DPY19L2: variants seen among roughly 807,000 people sequenced by gnomAD.
DPY19L2 encodes the protein probable C-mannosyltransferase DPY19L2.
DPY19L2 carries 34 observed loss-of-function variants against 97.9 expected under a neutral mutation model. That is an observed-to-expected ratio of 0.35 (90% CI 0.26 to 0.46). DPY19L2 has a LOEUF of 0.46. Ranked by LOEUF, DPY19L2 falls within the 20% of genes least tolerant of loss-of-function variation. The pLI, the probability that DPY19L2 is intolerant of heterozygous loss-of-function variation, is 1.00. For missense variants in DPY19L2, 623 were observed against 911.4 expected, an observed-to-expected ratio of 0.68 and a Z score of 4.07; for synonymous variants, 230 against 307.9, an observed-to-expected ratio of 0.75 and a Z score of 2.65.
intron 20 of DPY19L2, 39 bp downstream of exon 20, chr12:63,570,719 G>A (rs761582624): frequency 6.3e-7 from 1 of 1,582,056 alleles, no homozygotes; most frequent in South Asian, 1.1e-5. Flanking sequence ...ATTGGGAGTT[G>A]CCAAGTGAGT....
chr12:63,590,241 C>A (rs1882665436), intron 16 of DPY19L2, among the ~76,000 whole-genome samples: 1 of 152,078 alleles, frequency 6.6e-6, no homozygotes, highest in Non-Finnish European at 1.5e-5. Flanking sequence ...AGAATTGATA[C>A]AATAAAATGA....
At chr12:63,564,627 A>C (rs1877282515) in intron 21 of DPY19L2, among the ~76,000 whole-genome samples, 1 of 152,124 alleles carries the variant, frequency 6.6e-6, no homozygotes, top group Non-Finnish European at 1.5e-5. Context: ...TAAATGTGTC[A>C]ATACTTGCTT....
chr12:63,589,357 C>CAAAAAAAAAAAAAAAAAAAAAAA lies in DPY19L2; in HGVS notation c.1580+4707_1580+4729dup, dbSNP rs71086687. Among the ~76,000 whole-genome samples the CAAAAAAAAAAAAAAAAAAAAAAA allele has an allele frequency of 1.6e-4, 3 of 18,986 alleles. 1 individual carries two copies. Among genetic ancestry groups the CAAAAAAAAAAAAAAAAAAAAAAA allele is most frequent in the Non-Finnish European group, 3.1e-4 (3 of 9,526 alleles). The allele number at this position is 18,986 out of a possible 152,430, so 12.5% of individuals were successfully genotyped here. A position where few individuals can be genotyped will look rare whatever the true frequency, so the allele number is the denominator to read the frequency against. ...AATGTGGCTAGATAAAAATGTGTTG[C>CAAAAAAAAAAAAAAAAAAAAAAA]AAAAAAAAAAAAAAAAAAAAAAAAA... On this transcript the variant is annotated intron_variant, in intron 16 of 21. Transcript: ENST00000324472.
chr12:63,565,004 A>G (rs1877374746), intron 21 of DPY19L2, among the ~76,000 whole-genome samples: 1 of 152,108 alleles, frequency 6.6e-6, no homozygotes, highest in African/African-American at 2.4e-5. Flanking sequence ...TATTCTTAGC[A>G]TTCAAATATA....
At chr12:63,588,970 G>A (rs1284275517) in intron 16 of DPY19L2, among the ~76,000 whole-genome samples, 3 of 151,710 alleles carry the variant, frequency 2.0e-5, no homozygotes, top group African/African-American at 4.8e-5. Context: ...AGCCAGGATG[G>A]CCTCAATCTC....
At chr12:63,570,156 A>G (rs1322466781) in intron 20 of DPY19L2, among the ~76,000 whole-genome samples, 1 of 152,198 alleles carries the variant, frequency 6.6e-6, no homozygotes, top group Non-Finnish European at 1.5e-5. Context: ...CCTGACAACT[A>G]CTAGAATAAC....
chr12:63,608,483 A>T, intron 12 of DPY19L2, 133 bp downstream of exon 12: 4 of 928,614 alleles, frequency 4.3e-6, no homozygotes, highest in Non-Finnish European at 6.4e-6. Context: ...TACCTTAGAT[A>T]GTAACTATTT....
intron 19 of DPY19L2, among the ~76,000 whole-genome samples, chr12:63,571,935 C>T (rs143280050): frequency 8.3e-4 from 127 of 152,250 alleles, no homozygotes; most frequent in African/African-American, 2.9e-3. Context: ...TTCAGATCTA[C>T]TATAAAAAAC....
rs554772286 is a variant in DPY19L2 at position 63,634,585 on chromosome 12, A to T, written c.804-8059T>A. ...GGAAAATCCGGACACTCCCACCCTAATACGGCACTTTTCCAACGGTCTTAG... is the reference window on the plus strand; with the variant it reads ...GGAAAATCCGGACACTCCCACCCTATTACGGCACTTTTCCAACGGTCTTAG... On this transcript the variant is annotated intron_variant, in intron 6 of 21. Coordinates refer to ENST00000324472, the MANE Select transcript of DPY19L2 (RefSeq NM_173812.5). Among the ~76,000 whole-genome samples the T allele has an allele frequency of 2.6e-5, 4 of 152,276 alleles. No individual in the cohort carries two copies. The East Asian group carries it at 7.7e-4, about 29-fold the overall frequency.
chr12:63,576,232 A>C (rs1879792144), intron 19 of DPY19L2, among the ~76,000 whole-genome samples: 1 of 151,988 alleles, frequency 6.6e-6, no homozygotes, highest in Non-Finnish European at 1.5e-5. Flanking sequence ...ATCATTTGGT[A>C]AAATTCAACA....
intron 11 of DPY19L2, among the ~76,000 whole-genome samples, chr12:63,614,332 G>C (rs535216084): frequency 1.4e-3 from 220 of 152,082 alleles, no homozygotes; most frequent in African/African-American, 5.0e-3. Context: ...TTCTCTTGTA[G>C]AACAAGACTA....
chr12:63,639,222 T>C (rs530171451), intron 6 of DPY19L2, among the ~76,000 whole-genome samples: 12 of 152,268 alleles, frequency 7.9e-5, no homozygotes, highest in Admixed American at 3.3e-4. Flanking sequence ...ATTAAAAACT[T>C]AAATGTTAGA....
intron 21 of DPY19L2, 87 bp downstream of exon 21, chr12:63,569,137 T>A (rs1280443363): frequency 7.1e-7 from 1 of 1,403,462 alleles, no homozygotes; most frequent in Non-Finnish European, 9.4e-7. Context: ...AAATAAAAAT[T>A]CTTAAAGAAT....
At chr12:63,582,885 G>A (rs76463354) in intron 17 of DPY19L2, among the ~76,000 whole-genome samples, 2 of 152,192 alleles carry the variant, frequency 1.3e-5, no homozygotes, top group East Asian at 3.9e-4. Context: ...GAGAGCAGGA[G>A]GTGGTGTGAG....
chr12:63,594,448 T>TGAGA (rs895669484), intron 15 of DPY19L2, among the ~76,000 whole-genome samples: 3 of 117,600 alleles, frequency 2.6e-5, no homozygotes, highest in Non-Finnish European at 5.4e-5. Flanking sequence ...GCTGCAGGGA[T>TGAGA]GAGAGAGAGA....
chr12:63,595,541 T>TG, intron 15 of DPY19L2, among the ~76,000 whole-genome samples: 1 of 152,330 alleles, frequency 6.6e-6, no homozygotes, highest in African/African-American at 2.4e-5. Flanking sequence ...TCACTGTGCT[T>TG]TATATTTGAA....
In DPY19L2 at chr12:63,616,508, G is replaced by A. The variant is rs1397114586; in HGVS notation, c.1218+796C>T. On this transcript the variant is annotated intron_variant, in intron 11 of 21. Transcript: ENST00000324472. ...AAAAGTGCTATATTTTGGCATTACC[G>A]TAGTTGGTATCATTTCTGATCAGTG... 1.4e-4 allele frequency among the ~76,000 whole-genome samples: 21 copies of A among 152,026 alleles called. 1 individual carries two copies. Among genetic ancestry groups the A allele is most frequent in the Non-Finnish European group, 2.6e-4 (18 of 67,956 alleles).
chr12:63,631,609 A>C (rs989032988), intron 6 of DPY19L2, among the ~76,000 whole-genome samples: 3 of 152,158 alleles, frequency 2.0e-5, no homozygotes, highest in Admixed American at 2.0e-4. Context: ...GACCAGACAG[A>C]GTCACAGCCC....
chr12:63,640,017 A>G (rs1330352359), intron 6 of DPY19L2, among the ~76,000 whole-genome samples: 1 of 152,242 alleles, frequency 6.6e-6, no homozygotes, highest in Non-Finnish European at 1.5e-5. Flanking sequence ...AATACTATGC[A>G]GCCATAAAAA....
Sources: gnomAD v4.1 joint callset for allele counts (sites outside exome capture counted in the v4.1 genomes callset) on GRCh38, gnomAD v4.1.1 for gene constraint, MANE v1.5 for transcripts, NCBI Gene and HGNC (gene_info 2026-07-23, HGNC 2026-07-21) for gene names.